Variants in TMCO5A observed in about 807,000 individuals in gnomAD.
TMCO5A encodes transmembrane and coiled-coil domains 5A.
TMCO5A carries 34 observed loss-of-function variants against 42.3 expected under a neutral mutation model. That is an observed-to-expected ratio of 0.80 (90% CI 0.61 to 1.07). The LOEUF is 1.07. TMCO5A is among the 50% of genes least tolerant of loss of function. TMCO5A has a pLI of 0.00. For synonymous variants in TMCO5A, 131 were observed against 115.6 expected (o/e 1.13, Z -0.86); for missense variants, 357 against 327.9 (o/e 1.09, Z -0.69).
the TMCO5A span, among the ~76,000 whole-genome samples, chr15:37,993,675 G>C: frequency 6.6e-6 from 1 of 152,108 alleles, no homozygotes; most frequent in Non-Finnish European, 1.5e-5. Flanking sequence ...GCCTTGCAAT[G>C]GTGTGGGGAG....
At chr15:37,983,341 A>G in the TMCO5A span, among the ~76,000 whole-genome samples, 1 of 152,172 alleles carries the variant, frequency 6.6e-6, no homozygotes, top group Admixed American at 6.5e-5. Context: ...CACTGAGTAA[A>G]CAGCACAACC....
chr15:38,027,131 C>T, the TMCO5A span, among the ~76,000 whole-genome samples: 1 of 152,040 alleles, frequency 6.6e-6, no homozygotes, highest in Non-Finnish European at 1.5e-5. Flanking sequence ...TCCTCCAGAC[C>T]CCAGAATGGT....
chr15:37,988,116 T>C, the TMCO5A span, among the ~76,000 whole-genome samples: 1 of 152,034 alleles, frequency 6.6e-6, no homozygotes, highest in African/African-American at 2.4e-5. Context: ...GAAGCTATTG[T>C]AAATGAAATT....
chr15:38,032,096 C>A, the TMCO5A span, among the ~76,000 whole-genome samples: 1 of 152,084 alleles, frequency 6.6e-6, no homozygotes. Context: ...GCTGGGATTA[C>A]AGGCATGCAC....
At chr15:37,942,292 A>G in intron 9 of TMCO5A, 37 bp downstream of exon 9, 12 of 1,598,646 alleles carry the variant, frequency 7.5e-6, no homozygotes, top group Non-Finnish European at 1.0e-5. Context: ...GTTTTGGTAG[A>G]AACTCCATCT....
the TMCO5A span, among the ~76,000 whole-genome samples, chr15:38,033,559 A>AT: frequency 0.22 from 32,398 of 145,364 alleles, 3,508 homozygotes; most frequent in Middle Eastern, 0.31. Flanking sequence ...TTCTCCCTCC[A>AT]TTTTTTTTTT....
At chr15:37,950,288 C>T (rs890693958) in intron 11 of TMCO5A, among the ~76,000 whole-genome samples, 12 of 151,928 alleles carry the variant, frequency 7.9e-5, no homozygotes, top group Non-Finnish European at 2.9e-5. Flanking sequence ...TATTTCAGGT[C>T]TTGGGATAGG....
chr15:37,949,283 T>A (rs1890075945), intron 11 of TMCO5A, among the ~76,000 whole-genome samples: 1 of 152,130 alleles, frequency 6.6e-6, no homozygotes, highest in South Asian at 2.1e-4. Flanking sequence ...TCCAAATGAT[T>A]AATAAATTCA....
chr15:37,971,060 G>A (rs1890664750), downstream of TMCO5A, among the ~76,000 whole-genome samples: 2 of 152,240 alleles, frequency 1.3e-5, no homozygotes, highest in South Asian at 4.1e-4. Context: ...TAGGGACTCT[G>A]TGTGGGGGCT....
intron 6 of TMCO5A, among the ~76,000 whole-genome samples, chr15:37,940,102 T>G (rs1469704163): frequency 1.3e-5 from 2 of 152,122 alleles, no homozygotes; most frequent in Non-Finnish European, 2.9e-5. Context: ...TCAACCAGTC[T>G]CCCTGCTTCT....
At chr15:38,000,144 G>C in the TMCO5A span, among the ~76,000 whole-genome samples, 1 of 152,146 alleles carries the variant, frequency 6.6e-6, no homozygotes, top group Non-Finnish European at 1.5e-5. Flanking sequence ...GATGCCATCA[G>C]GTCCAAGGCT....
At chr15:37,936,735 C>G in intron 3 of TMCO5A, 112 bp from the exon 4 acceptor site, 1 of 1,446,286 alleles carries the variant, frequency 6.9e-7, no homozygotes, top group Non-Finnish European at 9.3e-7. Context: ...GAGTTTTCAG[C>G]TTGAGATTCA....
At chr15:38,012,869 A>T in the TMCO5A span, among the ~76,000 whole-genome samples, 3 of 152,166 alleles carry the variant, frequency 2.0e-5, no homozygotes, top group African/African-American at 7.2e-5. Flanking sequence ...TTTATAGGGG[A>T]TTAGCTACCA....
the TMCO5A span, among the ~76,000 whole-genome samples, chr15:38,018,506 T>G: frequency 6.6e-6 from 1 of 151,732 alleles, no homozygotes; most frequent in Non-Finnish European, 1.5e-5. Flanking sequence ...AGAATGAAAA[T>G]AGATTAATAA....
downstream of TMCO5A, among the ~76,000 whole-genome samples, chr15:37,952,276 C>T (rs1890177891): frequency 6.6e-6 from 1 of 152,094 alleles, no homozygotes; most frequent in Non-Finnish European, 1.5e-5. Context: ...CACCCCTCCC[C>T]TAATCCCAGG....
the TMCO5A span, among the ~76,000 whole-genome samples, chr15:38,021,582 C>T: frequency 1.3e-5 from 2 of 151,896 alleles, no homozygotes; most frequent in Non-Finnish European, 2.9e-5. Context: ...AGCTATTTGT[C>T]CAGAAGGAAA....
In TMCO5A at chr15:37,936,316, C is replaced by T. The variant is rs781153645; in HGVS notation, c.-8C>T. The T allele has an allele frequency of 2.6e-5, 41 of 1,607,798 alleles. No individual in the cohort carries two copies. The highest frequency in any genetic ancestry group is 3.4e-5 in the Admixed American group (2 of 58,948). On this transcript the variant is annotated splice_region_variant and 5_prime_UTR_variant, in exon 3 of 12. Coordinates refer to ENST00000319669, the MANE Select transcript of TMCO5A (RefSeq NM_152453.4). ...CATTTTGGGGGCTGAGTCTATAGGT[C>T]GGAGAAAATGGAAATCTCAAGATTG... is the stretch of plus-strand genomic sequence containing the variant.
the TMCO5A span, among the ~76,000 whole-genome samples, chr15:37,998,052 AT>A: frequency 8.4e-4 from 128 of 152,038 alleles, no homozygotes; most frequent in Non-Finnish European, 1.6e-3. Flanking sequence ...GATTGTTAAA[AT>A]TTTTTCCTAT....
the TMCO5A span, among the ~76,000 whole-genome samples, chr15:38,026,819 G>C: frequency 6.6e-6 from 1 of 152,244 alleles, no homozygotes; most frequent in African/African-American, 2.4e-5. Flanking sequence ...ATGGCTGAAA[G>C]GGGCCAACAT....
Sources: allele counts gnomAD v4.1 joint callset (sites outside exome capture counted in the v4.1 genomes callset), GRCh38; gene constraint gnomAD v4.1.1; transcripts MANE v1.5; gene names NCBI Gene and HGNC (gene_info 2026-07-23, HGNC 2026-07-21).